Variants in SLC9C1 observed in about 807,000 individuals in gnomAD.
The protein encoded by SLC9C1 is solute carrier family 9 member C1, also known as sodium/hydrogen exchanger 10.
Under a neutral mutation model 140.9 loss-of-function variants are expected in SLC9C1, and 97 were observed. The observed-to-expected ratio is 0.69, with a 90% CI of 0.58 to 0.82. SLC9C1 has a LOEUF of 0.82. Among genes scored for constraint, SLC9C1 ranks in the 40% least tolerant of loss-of-function variants. The probability of loss-of-function intolerance (pLI) is 0.00; values close to 1 mark genes in which losing one functional copy is unlikely to be tolerated. For missense variants in SLC9C1, 1,340 were observed against 1,389.3 expected (o/e 0.96, Z 0.56); for synonymous variants, 440 against 442.6 (o/e 0.99, Z 0.07).
intron 6 of SLC9C1, among the ~76,000 whole-genome samples, chr3:112,272,639 TTC>T (rs1389018973): frequency 6.6e-6 from 1 of 152,226 alleles, no homozygotes; most frequent in Non-Finnish European, 1.5e-5. Context: ...AAATTCATCG[TTC>T]TCTTTCTCCT....
chr3:112,218,098 AG>A (rs1372350250), intron 14 of SLC9C1, among the ~76,000 whole-genome samples: 1 of 152,122 alleles, frequency 6.6e-6, no homozygotes, highest in Non-Finnish European at 1.5e-5. Flanking sequence ...ATAGTAACTT[AG>A]AAAAGTCACT....
At position 112,144,704 on chromosome 3, in the gene SLC9C1, A is replaced by G. The variant is rs372958440; in HGVS notation, c.3525-3423T>C. ...ATTCCTAAGGTTTGTGTGTGTGTGT[A>G]TATATTGTAAATGGGAGTGTGTTCT... On this transcript the variant is annotated intron_variant, in intron 28 of 28. Transcript: ENST00000305815. Among the ~76,000 whole-genome samples the G allele has an allele frequency of 2.3e-4, 35 of 152,080 alleles. No individual in the cohort carries two copies. The East Asian group carries it at 2.9e-3, about 13-fold the overall frequency.
intron 15 of SLC9C1, among the ~76,000 whole-genome samples, chr3:112,215,862 C>G (rs376693117): frequency 1.4e-4 from 22 of 151,964 alleles, no homozygotes; most frequent in African/African-American, 4.1e-4. Context: ...CTACTTTAAA[C>G]TTCATATGGA....
At chr3:112,260,348 T>C (rs2079737630) in intron 10 of SLC9C1, among the ~76,000 whole-genome samples, 1 of 152,144 alleles carries the variant, frequency 6.6e-6, no homozygotes, top group South Asian at 2.1e-4. Context: ...TCATTTCCTA[T>C]GTCCATTTTT....
chr3:112,190,114 C>G (rs940363310), intron 20 of SLC9C1, among the ~76,000 whole-genome samples: 11 of 152,144 alleles, frequency 7.2e-5, no homozygotes, highest in Admixed American at 1.3e-4. Context: ...AGCTGCTTAT[C>G]AGCTTAAGGA....
chr3:112,265,856 A>G (rs2079903691), intron 8 of SLC9C1, among the ~76,000 whole-genome samples: 1 of 152,032 alleles, frequency 6.6e-6, no homozygotes, highest in South Asian at 2.1e-4. Flanking sequence ...TTTTTGCCTT[A>G]AGTTCAACTT....
intron 18 of SLC9C1, 49 bp downstream of exon 18, chr3:112,202,201 C>A (rs1243787791): frequency 3.8e-6 from 6 of 1,595,102 alleles, no homozygotes; most frequent in African/African-American, 1.4e-5. Flanking sequence ...TGGATGAGGG[C>A]AACTGAGGGC....
At chr3:112,211,818 C>A (rs1390238300) in intron 15 of SLC9C1, among the ~76,000 whole-genome samples, 1 of 152,224 alleles carries the variant, frequency 6.6e-6, no homozygotes, top group East Asian at 1.9e-4. Flanking sequence ...GAAACCTCTG[C>A]AGACTTAAAT....
intron 9 of SLC9C1, among the ~76,000 whole-genome samples, chr3:112,263,887 TA>T (rs1387540383): frequency 1.3e-5 from 2 of 151,886 alleles, no homozygotes; most frequent in African/African-American, 4.8e-5. Context: ...TTGTTTGTTA[TA>T]TAATATTGAG....
intron 20 of SLC9C1, among the ~76,000 whole-genome samples, chr3:112,188,202 G>C (rs942054818): frequency 6.6e-6 from 1 of 151,916 alleles, no homozygotes; most frequent in Non-Finnish European, 1.5e-5. Context: ...AGGTGTAATT[G>C]CTGGTTTAAA....
At chr3:112,162,138 T>C (rs891803968) in intron 26 of SLC9C1, among the ~76,000 whole-genome samples, 1 of 152,216 alleles carries the variant, frequency 6.6e-6, no homozygotes, top group African/African-American at 2.4e-5. Flanking sequence ...GAGACTTTGC[T>C]GAAGTTGCTT....
At chr3:112,198,193 A>G (rs933563458) in intron 20 of SLC9C1, among the ~76,000 whole-genome samples, 6 of 152,014 alleles carry the variant, frequency 3.9e-5, no homozygotes, top group African/African-American at 1.4e-4. Context: ...TTAGGTTCAT[A>G]GATAAGAATT....
intron 28 of SLC9C1, chr3:112,147,550 G>A (rs1321680221): frequency 2.6e-6 from 1 of 387,444 alleles, no homozygotes; most frequent in Non-Finnish European, 5.1e-6. Context: ...AGCTTAGTTT[G>A]GCAGGATATG....
At chr3:112,161,713 CA>C (rs2075305201) in intron 26 of SLC9C1, among the ~76,000 whole-genome samples, 1 of 151,932 alleles carries the variant, frequency 6.6e-6, no homozygotes, top group Admixed American at 6.6e-5. Context: ...GTGATGCCTC[CA>C]GCTTTGTTCT....
intron 15 of SLC9C1, among the ~76,000 whole-genome samples, chr3:112,210,746 C>T (rs1318765386): frequency 6.6e-6 from 1 of 151,918 alleles, no homozygotes; most frequent in East Asian, 1.9e-4. Flanking sequence ...GGTGGCTGAC[C>T]CCCACATTTC....
chr3:112,172,150 A>G (rs2077258551), intron 23 of SLC9C1, among the ~76,000 whole-genome samples: 1 of 152,160 alleles, frequency 6.6e-6, no homozygotes, highest in South Asian at 2.1e-4. Flanking sequence ...TTAAATCTAT[A>G]GATCAATTTT....
intron 14 of SLC9C1, 63 bp from the exon 15 acceptor site, chr3:112,217,624 C>T: frequency 7.0e-7 from 1 of 1,435,080 alleles, no homozygotes; most frequent in Non-Finnish European, 9.3e-7. Context: ...TAATGTTGTA[C>T]TGGAAGTTTA....
chr3:112,151,969 A>G lies in SLC9C1; in HGVS notation c.3418-6T>C, dbSNP rs771640982. The G allele has an allele frequency of 1.3e-6, 2 of 1,575,102 alleles. No individual in the cohort carries two copies. Among genetic ancestry groups the G allele is most frequent in the South Asian group, 1.2e-5 (1 of 83,470 alleles). ...GCGGCACTGTGTGCTCCATCCTGGG[A>G]TTCAAAACACTTTGTTACTTGATGT... On this transcript the variant is annotated splice_region_variant and splice_polypyrimidine_tract_variant and intron_variant, in intron 27 of 28. Transcript: ENST00000305815.
intron 10 of SLC9C1, among the ~76,000 whole-genome samples, chr3:112,245,391 T>C (rs2079253854): frequency 6.6e-6 from 1 of 152,096 alleles, no homozygotes; most frequent in Admixed American, 6.6e-5. Context: ...CCATCTCAAA[T>C]CAGTTTTAGG....
Sources: allele counts gnomAD v4.1 joint callset (sites outside exome capture counted in the v4.1 genomes callset), GRCh38; gene constraint gnomAD v4.1.1; transcripts MANE v1.5; gene names NCBI Gene and HGNC (gene_info 2026-07-23, HGNC 2026-07-21).